Variants in NXPH1 observed in about 807,000 individuals in gnomAD.
The protein encoded by NXPH1 is neurexophilin-1.
Under a neutral mutation model 23.7 loss-of-function variants are expected in NXPH1, and 5 were observed. The observed-to-expected ratio is 0.21, with a 90% CI of 0.11 to 0.44. The LOEUF (loss-of-function observed/expected upper bound fraction) is 0.44, where lower values mean the gene tolerates loss of function less well. Among genes scored for constraint, NXPH1 ranks in the 20% least tolerant of loss-of-function variants. The probability of loss-of-function intolerance (pLI) is 0.99; values close to 1 mark genes in which losing one functional copy is unlikely to be tolerated. For missense variants in NXPH1, 324 were observed against 321.6 expected, an observed-to-expected ratio of 1.01 and a Z score of -0.06; for synonymous variants, 144 against 122.2, an observed-to-expected ratio of 1.18 and a Z score of -1.18.
At chr7:8,708,775 G>A (rs1425383714) in intron 2 of NXPH1, among the ~76,000 whole-genome samples, 1 of 152,132 alleles carries the variant, frequency 6.6e-6, no homozygotes, top group Non-Finnish European at 1.5e-5. Context: ...AGGAAATTAT[G>A]AAATTCACTT....
rs542162969 is a variant in NXPH1, at chr7:8,586,405, T to C, written c.54+150638T>C. Among the ~76,000 whole-genome samples, 4 of 152,204 alleles carry C rather than the reference T, an allele frequency of 2.6e-5. No individual in the cohort carries two copies. The East Asian group carries it at 7.7e-4, about 29-fold the overall frequency. On this transcript the variant is annotated intron_variant, in intron 2 of 2. Coordinates refer to ENST00000405863, the MANE Select transcript of NXPH1 (RefSeq NM_152745.3). The stretch of plus-strand genomic sequence containing the variant: ...TTAATTAATAAAAGCCCATGTCATA[T>C]GAACCAGTGCCAAATTGATTGCTGG...
At chr7:8,622,903 G>T (rs376187769) in intron 2 of NXPH1, among the ~76,000 whole-genome samples, 3 of 152,252 alleles carry the variant, frequency 2.0e-5, no homozygotes, top group Admixed American at 6.5e-5. Context: ...TGCAGAGGAA[G>T]AAAATATTTG....
intron 2 of NXPH1, among the ~76,000 whole-genome samples, chr7:8,477,687 A>G (rs555584794): frequency 5.9e-4 from 89 of 151,888 alleles, no homozygotes; most frequent in Non-Finnish European, 1.2e-3. Context: ...TGCTGCAGGG[A>G]TGGTGCTGGG....
intron 2 of NXPH1, among the ~76,000 whole-genome samples, chr7:8,440,383 GAA>G (rs1816277566): frequency 6.6e-6 from 1 of 152,210 alleles, no homozygotes; most frequent in South Asian, 2.1e-4. Context: ...TATTCGGAGA[GAA>G]CCAGGATTGC....
chr7:8,438,626 C>G (rs2128603785), intron 2 of NXPH1, among the ~76,000 whole-genome samples: 1 of 152,302 alleles, frequency 6.6e-6, no homozygotes, highest in South Asian at 2.1e-4. Context: ...CAAGACTTGT[C>G]TAGTTATCTC....
chr7:8,568,751 A>G (rs1459208283), intron 2 of NXPH1, among the ~76,000 whole-genome samples: 1 of 151,708 alleles, frequency 6.6e-6, no homozygotes, highest in East Asian at 1.9e-4. Flanking sequence ...CTTGAGGTCT[A>G]TGTCAACTAC....
intron 2 of NXPH1, among the ~76,000 whole-genome samples, chr7:8,484,574 T>C (rs1276070348): frequency 6.6e-6 from 1 of 152,202 alleles, no homozygotes; most frequent in African/African-American, 2.4e-5. Context: ...TTTTAAACTG[T>C]ATGCAACATA....
At chr7:8,669,165 G>A (rs1583222845) in intron 2 of NXPH1, among the ~76,000 whole-genome samples, 1 of 152,334 alleles carries the variant, frequency 6.6e-6, no homozygotes, top group South Asian at 2.1e-4. Flanking sequence ...GGGTCTGCTG[G>A]TGTGGGTGTG....
chr7:8,473,503 C>T (rs796590767), intron 2 of NXPH1, among the ~76,000 whole-genome samples: 49 of 152,226 alleles, frequency 3.2e-4, no homozygotes, highest in African/African-American at 1.2e-3. Flanking sequence ...CAGATTAACA[C>T]CTACTTAAAT....
chr7:8,658,416 T>G (rs947547488), intron 2 of NXPH1, among the ~76,000 whole-genome samples: 1 of 152,192 alleles, frequency 6.6e-6, no homozygotes, highest in African/African-American at 2.4e-5. Flanking sequence ...TTCCCTTGGT[T>G]CACAACTTAC....
intron 2 of NXPH1, among the ~76,000 whole-genome samples, chr7:8,492,754 T>C (rs1031427534): frequency 2.0e-5 from 3 of 151,950 alleles, no homozygotes; most frequent in Non-Finnish European, 4.4e-5. Context: ...GTCCCATTGG[T>C]GGAGGGAGCA....
At chr7:8,687,223 C>T (rs947465361) in intron 2 of NXPH1, among the ~76,000 whole-genome samples, 3 of 151,974 alleles carry the variant, frequency 2.0e-5, no homozygotes, top group African/African-American at 7.2e-5. Flanking sequence ...GTATTGGGAT[C>T]ATTAGACTAA....
intron 2 of NXPH1, among the ~76,000 whole-genome samples, chr7:8,713,755 G>A (rs966656604): frequency 2.6e-5 from 4 of 152,196 alleles, no homozygotes; most frequent in African/African-American, 7.2e-5. Flanking sequence ...AGATCCAGAA[G>A]AATTCTCTGG....
intron 2 of NXPH1, among the ~76,000 whole-genome samples, chr7:8,706,582 A>C (rs1779710696): frequency 6.6e-6 from 1 of 152,226 alleles, no homozygotes; most frequent in South Asian, 2.1e-4. Context: ...ACCATGTGGA[A>C]TAGAAGACCC....
intron 2 of NXPH1, among the ~76,000 whole-genome samples, chr7:8,744,086 G>A (rs1583257735): frequency 1.3e-5 from 2 of 152,132 alleles, no homozygotes; most frequent in South Asian, 4.1e-4. Flanking sequence ...CTCCTTTGAT[G>A]TTAGATCTAA....
At chr7:8,714,324 C>G (rs749167042) in intron 2 of NXPH1, among the ~76,000 whole-genome samples, 1 of 151,790 alleles carries the variant, frequency 6.6e-6, no homozygotes, top group Non-Finnish European at 1.5e-5. Context: ...GGGACTGACT[C>G]ACCCTTCAGG....
chr7:8,482,687 T>C (rs572213981), intron 2 of NXPH1, among the ~76,000 whole-genome samples: 1 of 152,290 alleles, frequency 6.6e-6, no homozygotes, highest in African/African-American at 2.4e-5. Flanking sequence ...TTCTGCTAAA[T>C]CCATATTCAA....
chr7:8,504,383 C>G (rs936594779), intron 2 of NXPH1, among the ~76,000 whole-genome samples: 13 of 151,926 alleles, frequency 8.6e-5, no homozygotes, highest in African/African-American at 2.9e-4. Context: ...TGAGAGGCCA[C>G]TAAAATAGGT....
At chr7:8,616,635 C>T (rs1819744041) in intron 2 of NXPH1, among the ~76,000 whole-genome samples, 1 of 151,476 alleles carries the variant, frequency 6.6e-6, no homozygotes, top group Admixed American at 6.6e-5. Flanking sequence ...ATGTAAGGGC[C>T]CCAAGGCAGG....
Sources: allele counts gnomAD v4.1 joint callset (sites outside exome capture counted in the v4.1 genomes callset), GRCh38; gene constraint gnomAD v4.1.1; transcripts MANE v1.5; gene names NCBI Gene and HGNC (gene_info 2026-07-23, HGNC 2026-07-21).